Variants in PIWIL4 observed in about 807,000 individuals in gnomAD.
PIWIL4 encodes the protein piwi like RNA-mediated gene silencing 4.
PIWIL4 carries 50 observed loss-of-function variants against 100.9 expected under a neutral mutation model. That is an observed-to-expected ratio of 0.50 (90% CI 0.39 to 0.63). PIWIL4 has a LOEUF of 0.63. PIWIL4 is among the 20% of genes least tolerant of loss of function. The pLI, the probability that PIWIL4 is intolerant of heterozygous loss-of-function variation, is 0.00. For missense variants in PIWIL4, 887 were observed against 1,043.3 expected, an observed-to-expected ratio of 0.85 and a Z score of 2.06; for synonymous variants, 342 against 367.5, an observed-to-expected ratio of 0.93 and a Z score of 0.79.
intron 4 of PIWIL4, among the ~76,000 whole-genome samples, chr11:94,579,641 C>G (rs1948287218): frequency 6.6e-6 from 1 of 152,128 alleles, no homozygotes; most frequent in Non-Finnish European, 1.5e-5. Context: ...TTATGAGACC[C>G]TGGGATCTAT....
intron 7 of PIWIL4, among the ~76,000 whole-genome samples, chr11:94,588,288 A>T (rs1387885267): frequency 6.6e-6 from 1 of 152,120 alleles, no homozygotes; most frequent in East Asian, 1.9e-4. Context: ...AAAGGACATG[A>T]TCCTGTTCCT....
intron 13 of PIWIL4, among the ~76,000 whole-genome samples, chr11:94,606,149 C>T (rs765865362): frequency 3.3e-5 from 5 of 152,116 alleles, no homozygotes; most frequent in African/African-American, 1.2e-4. Flanking sequence ...TGTTATTCCC[C>T]GCATACCTGC....
At chr11:94,568,854 G>A (rs1948110766) in intron 2 of PIWIL4, 46 bp downstream of exon 2, 4 of 1,509,078 alleles carry the variant, frequency 2.7e-6, no homozygotes, top group Non-Finnish European at 3.7e-6. Flanking sequence ...CAACCTGAAT[G>A]GAGCAAGAGG....
At chr11:94,613,124 T>C (rs1273541649) in intron 15 of PIWIL4, among the ~76,000 whole-genome samples, 2 of 152,220 alleles carry the variant, frequency 1.3e-5, no homozygotes, top group Non-Finnish European at 2.9e-5. Flanking sequence ...AAGAACTCCC[T>C]TTGTTATTTC....
chr11:94,575,447 A>C (rs1442075029), intron 3 of PIWIL4, among the ~76,000 whole-genome samples: 1 of 152,194 alleles, frequency 6.6e-6, no homozygotes, highest in African/African-American at 2.4e-5. Flanking sequence ...CTTCAGCTGT[A>C]AAAAGAAAGA....
chr11:94,570,499 C>G (rs1190385839), intron 2 of PIWIL4, among the ~76,000 whole-genome samples: 1 of 151,940 alleles, frequency 6.6e-6, no homozygotes, highest in African/African-American at 2.4e-5. Flanking sequence ...ATTTAAAGAC[C>G]CTGTCACCAA....
intron 11 of PIWIL4, among the ~76,000 whole-genome samples, chr11:94,598,726 T>G (rs1948594484): frequency 1.5e-5 from 2 of 136,424 alleles, no homozygotes; most frequent in Non-Finnish European, 3.1e-5. Flanking sequence ...TTTTTTTTTT[T>G]GAGACAGGTC....
intron 19 of PIWIL4, 78 bp downstream of exon 19, chr11:94,620,222 G>T (rs2135310174): frequency 7.0e-7 from 1 of 1,420,758 alleles, no homozygotes; most frequent in Non-Finnish European, 9.5e-7. Flanking sequence ...CGTCATCTTT[G>T]TATCCCTAGA....
At chr11:94,600,708 G>A (rs649973) in intron 11 of PIWIL4, among the ~76,000 whole-genome samples, 80,757 of 151,812 alleles carry the variant, frequency 0.53, 23,558 homozygotes, top group African/African-American at 0.79. Flanking sequence ...GCCTAGGAGC[G>A]CTATAGGAGA....
At chr11:94,571,619 CCTT>C (rs1565268277) in intron 2 of PIWIL4, among the ~76,000 whole-genome samples, 1 of 152,202 alleles carries the variant, frequency 6.6e-6, no homozygotes, top group Non-Finnish European at 1.5e-5. Flanking sequence ...ATGAACTCAT[CCTT>C]TTTTATGGCA....
At chr11:94,602,251 C>CTTTA (rs1237777699) in intron 12 of PIWIL4, among the ~76,000 whole-genome samples, 1 of 152,156 alleles carries the variant, frequency 6.6e-6, no homozygotes, top group African/African-American at 2.4e-5. Flanking sequence ...GGATATAAAT[C>CTTTA]TTTAATAAGT....
At chr11:94,594,722 G>T (rs1948534365) in intron 9 of PIWIL4, among the ~76,000 whole-genome samples, 1 of 151,960 alleles carries the variant, frequency 6.6e-6, no homozygotes, top group Non-Finnish European at 1.5e-5. Flanking sequence ...AGTAGAGACG[G>T]GGTTTCTCCA....
At chr11:94,589,273 A>G (rs961736545) in intron 8 of PIWIL4, 41 bp downstream of exon 8, 2 of 1,496,956 alleles carry the variant, frequency 1.3e-6, no homozygotes, top group African/African-American at 2.8e-5. Flanking sequence ...CTTTTCTTTT[A>G]CCTCAGAGAA....
At chr11:94,601,567 C>T (rs566645254) in intron 11 of PIWIL4, among the ~76,000 whole-genome samples, 51 of 152,284 alleles carry the variant, frequency 3.3e-4, no homozygotes, top group African/African-American at 1.2e-3. Context: ...AAAGGGACCT[C>T]CAAGGGCCAC....
At chr11:94,582,236 CT>C (rs1378004756) in intron 4 of PIWIL4, among the ~76,000 whole-genome samples, 1 of 152,130 alleles carries the variant, frequency 6.6e-6, no homozygotes, top group Non-Finnish European at 1.5e-5. Context: ...CCTTTGTTGT[CT>C]TAATCCTTTG....
chr11:94,590,079 A>C (rs1948461993), intron 8 of PIWIL4, among the ~76,000 whole-genome samples: 1 of 152,182 alleles, frequency 6.6e-6, no homozygotes, highest in Non-Finnish European at 1.5e-5. Flanking sequence ...AACAAACAAA[A>C]ACAAAAACCC....
At chr11:94,604,178 CGAA>C in intron 13 of PIWIL4, 122 bp downstream of exon 13, 1 of 491,172 alleles carries the variant, frequency 2.0e-6, no homozygotes, top group Middle Eastern at 2.9e-4. Flanking sequence ...TCCAAAGCAC[CGAA>C]GAAAATATTA....
intron 3 of PIWIL4, among the ~76,000 whole-genome samples, chr11:94,576,222 C>T (rs189621267): frequency 6.6e-6 from 1 of 152,318 alleles, no homozygotes; most frequent in East Asian, 1.9e-4. Context: ...GCAGCCTCTG[C>T]CTTCCAGGTT....
chr11:94,609,262 T>G (rs2135295311), intron 15 of PIWIL4, among the ~76,000 whole-genome samples: 1 of 152,342 alleles, frequency 6.6e-6, no homozygotes, highest in South Asian at 2.1e-4. Flanking sequence ...ATTATTAATA[T>G]TTGCAGACAT....
Sources: allele counts gnomAD v4.1 joint callset (sites outside exome capture counted in the v4.1 genomes callset), GRCh38; gene constraint gnomAD v4.1.1; transcripts MANE v1.5; gene names NCBI Gene and HGNC (gene_info 2026-07-23, HGNC 2026-07-21).